Variants in EYS observed in about 807,000 individuals in gnomAD.
EYS encodes EGF-like photoreceptor maintenance factor.
A neutral mutation model predicts 282.1 loss-of-function variants in EYS; 250 were observed. That is an observed-to-expected ratio of 0.89 (90% confidence interval 0.80 to 0.98). The LOEUF (loss-of-function observed/expected upper bound fraction) is 0.98. Ranked by LOEUF, EYS falls within the 50% of genes least tolerant of loss-of-function variation. The pLI, the probability that EYS is intolerant of heterozygous loss-of-function variation, is 0.00. For missense variants in EYS, 4,016 were observed against 3,709.0 expected, an observed-to-expected ratio of 1.08 and a Z score of -2.15; for synonymous variants, 1,355 against 1,282.9, an observed-to-expected ratio of 1.06 and a Z score of -1.20.
intron 21 of EYS, among the ~76,000 whole-genome samples, chr6:64,821,260 A>T (rs997542048): frequency 6.6e-6 from 1 of 151,974 alleles, no homozygotes; most frequent in Non-Finnish European, 1.5e-5. Flanking sequence ...AATTAATTGA[A>T]TCCTATGTCA....
intron 32 of EYS, among the ~76,000 whole-genome samples, chr6:64,078,490 A>ATC (rs1771848245): frequency 3.9e-5 from 6 of 152,084 alleles, no homozygotes; most frequent in Admixed American, 3.9e-4. Context: ...CTAAGAGGAT[A>ATC]GAAAGTAGCA....
chr6:65,113,811 A>C (rs1221460298), intron 12 of EYS, among the ~76,000 whole-genome samples: 1 of 152,048 alleles, frequency 6.6e-6, no homozygotes, highest in Non-Finnish European at 1.5e-5. Flanking sequence ...TAGCACCCAC[A>C]CTACATGATT....
intron 22 of EYS, chr6:64,733,195 A>G (rs1263725464): frequency 6.6e-6 from 1 of 152,280 alleles, no homozygotes; most frequent in Non-Finnish European, 1.5e-5. Flanking sequence ...GCCTACAGGC[A>G]ATAAATTCCC....
intron 22 of EYS, among the ~76,000 whole-genome samples, chr6:64,778,177 A>G (rs367710224): frequency 6.6e-6 from 1 of 152,180 alleles, no homozygotes; most frequent in East Asian, 1.9e-4. Flanking sequence ...TTGGTGAAGA[A>G]TTTTTCTTGC....
chr6:64,986,763 G>C (rs75349536), intron 14 of EYS, among the ~76,000 whole-genome samples: 3 of 150,374 alleles, frequency 2.0e-5, no homozygotes, highest in African/African-American at 7.3e-5. Flanking sequence ...AGTTAAAATT[G>C]ATGTATTTTA....
intron 1 of EYS, among the ~76,000 whole-genome samples, chr6:65,706,457 G>A (rs752577433): frequency 3.9e-5 from 6 of 152,046 alleles, no homozygotes; most frequent in Non-Finnish European, 8.8e-5. Context: ...GACTGGTAGT[G>A]TATTAATAAG....
At chr6:65,142,658 T>TA (rs757628235) in intron 12 of EYS, among the ~76,000 whole-genome samples, 216 of 144,628 alleles carry the variant, frequency 1.5e-3, no homozygotes, top group African/African-American at 2.1e-3. Flanking sequence ...ATTCCAAATT[T>TA]AAAAAAAAAA....
At chr6:63,817,977 G>A (rs891849457) in intron 36 of EYS, among the ~76,000 whole-genome samples, 1 of 152,196 alleles carries the variant, frequency 6.6e-6, no homozygotes, top group African/African-American at 2.4e-5. Flanking sequence ...ATGTGTGCCT[G>A]TTAATGTATG....
At chr6:65,414,075 C>T (rs1432211940) in intron 5 of EYS, among the ~76,000 whole-genome samples, 1 of 151,950 alleles carries the variant, frequency 6.6e-6, no homozygotes, top group Non-Finnish European at 1.5e-5. Flanking sequence ...ACAATAGATT[C>T]TCAATAAATA....
intron 40 of EYS, among the ~76,000 whole-genome samples, chr6:63,776,488 A>C (rs1770068200): frequency 6.6e-6 from 1 of 152,168 alleles, no homozygotes; most frequent in East Asian, 1.9e-4. Context: ...TAATATTGGA[A>C]TTAGGATACT....
At chr6:63,940,385 T>C (rs1031249398) in intron 35 of EYS, among the ~76,000 whole-genome samples, 1 of 152,222 alleles carries the variant, frequency 6.6e-6, no homozygotes, top group African/African-American at 2.4e-5. Flanking sequence ...AAAAACTTTG[T>C]ACTTTCTGCA....
rs751895367 is a variant in EYS at position 65,495,024 on chromosome 6, T to C, written c.387A>G (p.Arg129=). ...TTEDQLLFGC[R]LKGMHTVNSK... is the part of the protein sequence containing the mutation. ...AATTAACAGTGTGCATTCCTTTTAG[T>C]CTGCAGCCAAAAAGTAACTGATCTT... is the stretch of plus-strand genomic sequence containing the variant. Residue 129 remains arginine, a synonymous_variant, in exon 4 of 43, where the codon AGA becomes AGG. Transcript: ENST00000503581. 6.2e-7 allele frequency: 1 copy of C among 1,614,228 alleles called. No homozygotes were observed. Among genetic ancestry groups the C allele is most frequent in the South Asian group, 1.1e-5 (1 of 91,090 alleles).
chr6:65,423,702 A>G (rs938624210), intron 5 of EYS, among the ~76,000 whole-genome samples: 1 of 151,888 alleles, frequency 6.6e-6, no homozygotes, highest in Non-Finnish European at 1.5e-5. Context: ...CCCTAGGCCC[A>G]ACTCAAGCAA....
At chr6:63,902,649 A>G (rs557034975) in intron 35 of EYS, among the ~76,000 whole-genome samples, 1 of 152,186 alleles carries the variant, frequency 6.6e-6, no homozygotes, top group Non-Finnish European at 1.5e-5. Flanking sequence ...TTGGAATTAC[A>G]TTAGTATTCT....
intron 1 of EYS, among the ~76,000 whole-genome samples, chr6:65,673,853 A>T (rs879349092): frequency 1.3e-5 from 2 of 152,042 alleles, no homozygotes; most frequent in Non-Finnish European, 2.9e-5. Context: ...CCATACAGTG[A>T]AAGTGTCTAA....
intron 31 of EYS, among the ~76,000 whole-genome samples, chr6:64,187,797 T>C (rs1764991801): frequency 6.6e-6 from 1 of 152,078 alleles, no homozygotes; most frequent in African/African-American, 2.4e-5. Flanking sequence ...TGATCTACCA[T>C]TAACTCCTTA....
chr6:64,624,148 C>A (rs764189312), intron 23 of EYS, among the ~76,000 whole-genome samples: 36 of 152,098 alleles, frequency 2.4e-4, no homozygotes, highest in Admixed American at 7.9e-4. Context: ...CAGGTGGTAT[C>A]ATTTTGAGAT....
At chr6:65,486,234 T>C (rs1297931824) in intron 5 of EYS, among the ~76,000 whole-genome samples, 1 of 152,194 alleles carries the variant, frequency 6.6e-6, no homozygotes, top group East Asian at 1.9e-4. Context: ...ACTTATAGAG[T>C]AATGGAACTA....
chr6:64,743,009 C>G (rs1583104253), intron 22 of EYS, among the ~76,000 whole-genome samples: 1 of 152,104 alleles, frequency 6.6e-6, no homozygotes, highest in African/African-American at 2.4e-5. Flanking sequence ...TCCTCCCATA[C>G]TGTGCTATCT....
Sources: gnomAD v4.1 joint callset for allele counts (sites outside exome capture counted in the v4.1 genomes callset) on GRCh38, gnomAD v4.1.1 for gene constraint, MANE v1.5 for transcripts, NCBI Gene and HGNC (gene_info 2026-07-23, HGNC 2026-07-21) for gene names.